BTBD9: variants seen among roughly 807,000 people sequenced by gnomAD.
BTBD9 encodes the protein BTB domain containing 9.
BTBD9 carries 49 observed loss-of-function variants against 64.3 expected under a neutral mutation model. The observed-to-expected ratio is 0.76, with a 90% CI of 0.61 to 0.97. The LOEUF (loss-of-function observed/expected upper bound fraction) is 0.97, where lower values mean the gene tolerates loss of function less well. BTBD9 is among the 50% of genes least tolerant of loss of function. The pLI is 0.00. For synonymous variants in BTBD9, 260 were observed against 274.7 expected (o/e 0.95, Z 0.53); for missense variants, 598 against 762.1 (o/e 0.78, Z 2.53).
intron 8 of BTBD9, among the ~76,000 whole-genome samples, chr6:38,287,659 TATGATGTTTCCACA>T (rs1761796358): frequency 6.6e-6 from 1 of 152,220 alleles, no homozygotes; most frequent in Admixed American, 6.5e-5. Context: ...AAGGACACTC[TATGATGTTTCCACA>T]ATGACAAAAT....
At chr6:38,219,600 T>G (rs1239107958) in intron 9 of BTBD9, among the ~76,000 whole-genome samples, 1 of 152,164 alleles carries the variant, frequency 6.6e-6, no homozygotes, top group African/African-American at 2.4e-5. Flanking sequence ...TGAGCTATTA[T>G]GAAACAACAC....
intron 7 of BTBD9, among the ~76,000 whole-genome samples, chr6:38,344,725 T>A (rs1257183701): frequency 6.6e-6 from 1 of 152,210 alleles, no homozygotes; most frequent in East Asian, 1.9e-4. Context: ...ATTCCCTACA[T>A]AGCAAATCTG....
chr6:38,469,558 G>A (rs1030576334), intron 6 of BTBD9, among the ~76,000 whole-genome samples: 4 of 152,058 alleles, frequency 2.6e-5, no homozygotes, highest in Non-Finnish European at 5.9e-5. Flanking sequence ...CTGACCTCAT[G>A]ATCCGCCCAT....
chr6:38,440,739 C>T (rs1340228027), intron 6 of BTBD9, among the ~76,000 whole-genome samples: 1 of 152,058 alleles, frequency 6.6e-6, no homozygotes, highest in Non-Finnish European at 1.5e-5. Flanking sequence ...TGTTGAATGT[C>T]TACTTTATAA....
At chr6:38,190,408 G>A (rs574597105) in intron 10 of BTBD9, among the ~76,000 whole-genome samples, 1 of 146,168 alleles carries the variant, frequency 6.8e-6, no homozygotes, top group African/African-American at 2.6e-5. Context: ...GGCAGAAGTT[G>A]CAGTGAGCTG....
At chr6:38,438,241 AGGGAGGG>A (rs1768840549) in intron 6 of BTBD9, among the ~76,000 whole-genome samples, 2 of 125,980 alleles carry the variant, frequency 1.6e-5, no homozygotes, top group Non-Finnish European at 3.5e-5. Context: ...GGAGGGAGGG[AGGGAGGG>A]AGGAAGGAAG....
chr6:38,334,950 G>T (rs968931729), intron 7 of BTBD9, among the ~76,000 whole-genome samples: 7 of 152,052 alleles, frequency 4.6e-5, no homozygotes, highest in Non-Finnish European at 2.9e-5. Flanking sequence ...TAATCCCCAC[G>T]TGTTGAGGGA....
intron 6 of BTBD9, among the ~76,000 whole-genome samples, chr6:38,373,348 C>G (rs915105711): frequency 6.6e-5 from 10 of 152,150 alleles, no homozygotes; most frequent in African/African-American, 2.4e-4. Context: ...TATTGAACCT[C>G]ATTTTAAGTG....
intron 1 of BTBD9, among the ~76,000 whole-genome samples, chr6:38,621,007 T>C (rs1326314075): frequency 6.6e-6 from 1 of 152,094 alleles, no homozygotes; most frequent in Admixed American, 6.6e-5. Context: ...CAGGAATAGC[T>C]CTTGGAATCC....
At chr6:38,279,482 GA>G (rs1761419614) in intron 8 of BTBD9, among the ~76,000 whole-genome samples, 1 of 152,010 alleles carries the variant, frequency 6.6e-6, no homozygotes, top group Non-Finnish European at 1.5e-5. Flanking sequence ...AGTTTTTTCA[GA>G]ATAGCTTTAT....
At chr6:38,508,602 C>T (rs1772641682) in intron 6 of BTBD9, among the ~76,000 whole-genome samples, 1 of 152,168 alleles carries the variant, frequency 6.6e-6, no homozygotes, top group African/African-American at 2.4e-5. Context: ...CATCACCCCA[C>T]TACTTAAAAC....
intron 7 of BTBD9, among the ~76,000 whole-genome samples, chr6:38,341,935 A>C (rs1211924937): frequency 6.6e-6 from 1 of 152,158 alleles, no homozygotes; most frequent in African/African-American, 2.4e-5. Flanking sequence ...GAGGACTACA[A>C]AGCCTCCCAT....
At chr6:38,390,670 C>T (rs988308375) in intron 6 of BTBD9, among the ~76,000 whole-genome samples, 2 of 152,190 alleles carry the variant, frequency 1.3e-5, no homozygotes, top group African/African-American at 2.4e-5. Context: ...CTCTAAGGAA[C>T]ATGCACAGTA....
chr6:38,606,078 A>G (rs1035206736), intron 1 of BTBD9, among the ~76,000 whole-genome samples: 3 of 152,140 alleles, frequency 2.0e-5, no homozygotes, highest in Non-Finnish European at 4.4e-5. Context: ...ATCAGACCCC[A>G]AGTTCTTCAG....
At chr6:38,587,648 G>A (rs546594477) in intron 4 of BTBD9, 47 of 603,582 alleles carry the variant, frequency 7.8e-5, no homozygotes, top group South Asian at 5.1e-4. Flanking sequence ...TATCTCTGTC[G>A]AGAACTGACA....
chr6:38,530,583 C>A (rs556687953), intron 6 of BTBD9, among the ~76,000 whole-genome samples: 2 of 97,376 alleles, frequency 2.1e-5, no homozygotes, highest in Admixed American at 1.0e-4. Flanking sequence ...ATAGAAAGAA[C>A]CTACATTGAA....
chr6:38,458,301 T>A (rs1035443200), intron 6 of BTBD9, among the ~76,000 whole-genome samples: 2 of 152,206 alleles, frequency 1.3e-5, no homozygotes, highest in Non-Finnish European at 2.9e-5. Context: ...ATATGTCAGA[T>A]AACCAGGGTA....
At chr6:38,573,890 G>A (rs566627703) in intron 6 of BTBD9, among the ~76,000 whole-genome samples, 14 of 152,132 alleles carry the variant, frequency 9.2e-5, no homozygotes, top group Non-Finnish European at 1.8e-4. Context: ...GCTGTGGAAA[G>A]GACTGGGAGA....
intron 6 of BTBD9, among the ~76,000 whole-genome samples, chr6:38,380,618 C>T (rs1327218369): frequency 6.6e-6 from 1 of 152,112 alleles, no homozygotes; most frequent in East Asian, 1.9e-4. Flanking sequence ...ATACTTGAGG[C>T]CAAGAGTTTG....
Sources: allele counts gnomAD v4.1 joint callset (sites outside exome capture counted in the v4.1 genomes callset), GRCh38; gene constraint gnomAD v4.1.1; transcripts MANE v1.5; gene names NCBI Gene and HGNC (gene_info 2026-07-23, HGNC 2026-07-21).